Variants in MGAT4D observed in about 807,000 individuals in gnomAD.
The protein encoded by MGAT4D is alpha-1,3-mannosyl-glycoprotein 4-beta-N-acetylglucosaminyltransferase-like protein MGAT4D.
In MGAT4D, 34 loss-of-function variants were observed where a neutral mutation model predicts 15.9. That is an observed-to-expected ratio of 2.14 (90% CI 1.62 to 2.84). The LOEUF (loss-of-function observed/expected upper bound fraction) is 2.84. Among genes scored for constraint, MGAT4D ranks in the 30% most tolerant of loss-of-function variants. The pLI is 0.00. For missense variants in MGAT4D, 327 were observed against 140.2 expected, an observed-to-expected ratio of 2.33 and a Z score of -6.73; for synonymous variants, 112 against 48.2, an observed-to-expected ratio of 2.33 and a Z score of -5.49.
At chr4:140,480,587 C>T (rs934701616) in intron 2 of MGAT4D, among the ~76,000 whole-genome samples, 3 of 152,094 alleles carry the variant, frequency 2.0e-5, no homozygotes, top group African/African-American at 7.2e-5. Context: ...TTCCAAATCA[C>T]ATATCCATCT....
chr4:140,446,549 T>A (rs1730135051), intron 10 of MGAT4D, among the ~76,000 whole-genome samples: 1 of 151,986 alleles, frequency 6.6e-6, no homozygotes, highest in Non-Finnish European at 1.5e-5. Flanking sequence ...TTTATTTGAA[T>A]CTTTTCTCTT....
At chr4:140,461,893 A>ACG in intron 7 of MGAT4D, 36 bp downstream of exon 7, 1 of 664,498 alleles carries the variant, frequency 1.5e-6, no homozygotes, top group Non-Finnish European at 2.7e-6. Flanking sequence ...ACACACACAC[A>ACG]CACACACACA....
intron 6 of MGAT4D, among the ~76,000 whole-genome samples, chr4:140,463,060 G>A (rs557072989): frequency 2.3e-4 from 35 of 152,264 alleles, no homozygotes; most frequent in Admixed American, 2.1e-3. Flanking sequence ...TCCCCACTGA[G>A]GAACCTGAAA....
intron 3 of MGAT4D, among the ~76,000 whole-genome samples, chr4:140,478,896 G>T (rs1732516266): frequency 6.6e-6 from 1 of 152,074 alleles, no homozygotes; most frequent in South Asian, 2.1e-4. Context: ...AAATGGATAA[G>T]CATAACTATG....
At position 140,443,321 on chromosome 4, in the gene MGAT4D, TTTAC is replaced by T. The variant is rs2126647941; in HGVS notation, c.*111_*114del. 5.4e-6 allele frequency: 2 copies of T among 373,650 alleles called. No homozygotes were observed. Among genetic ancestry groups the T allele is most frequent in the South Asian group, 1.0e-4 (2 of 20,034 alleles). 23.1% of individuals were successfully genotyped at this position (373,650 alleles called of 1,614,324 possible). A position where few individuals can be genotyped will look rare whatever the true frequency, so the allele number is the denominator to read the frequency against. The stretch of plus-strand genomic sequence containing the variant: ...TTCAAGTCTACTAGTTTATGCATTG[TTTAC>T]TTATCTGCTAGATAATTATGTATTT... On this transcript the variant is annotated 3_prime_UTR_variant, in exon 11 of 11. Transcript: ENST00000511113.
chr4:140,494,782 G>A (rs1421848686), intron 1 of MGAT4D, among the ~76,000 whole-genome samples: 1 of 152,078 alleles, frequency 6.6e-6, no homozygotes, highest in East Asian at 1.9e-4. Flanking sequence ...CGGGAGAGGG[G>A]GTGTTGCTCC....
chr4:140,450,342 C>T (rs1262223192), intron 10 of MGAT4D, among the ~76,000 whole-genome samples: 4 of 151,934 alleles, frequency 2.6e-5, no homozygotes, highest in African/African-American at 7.3e-5. Context: ...TGAAAGAATC[C>T]CGTTATAATA....
At chr4:140,491,315 G>A (rs1733487565) in intron 1 of MGAT4D, among the ~76,000 whole-genome samples, 1 of 152,070 alleles carries the variant, frequency 6.6e-6, no homozygotes, top group Admixed American at 6.5e-5. Flanking sequence ...TGGAGATGAG[G>A]GTGTTTCCCT....
intron 9 of MGAT4D, 81 bp from the exon 10 acceptor site, chr4:140,451,598 A>G: frequency 2.5e-6 from 1 of 406,964 alleles, no homozygotes; most frequent in Non-Finnish European, 4.4e-6. Context: ...GAATTTTTAT[A>G]TATTAGTTTT....
At chr4:140,463,254 G>A (rs1030565623) in intron 6 of MGAT4D, among the ~76,000 whole-genome samples, 3 of 152,206 alleles carry the variant, frequency 2.0e-5, no homozygotes, top group Non-Finnish European at 4.4e-5. Flanking sequence ...AGGGAAGGCA[G>A]CCAGTGGAAC....
intron 9 of MGAT4D, among the ~76,000 whole-genome samples, chr4:140,455,906 G>A (rs1038296911): frequency 2.6e-5 from 4 of 152,126 alleles, no homozygotes; most frequent in African/African-American, 9.7e-5. Flanking sequence ...GGAGGGCAAC[G>A]TGGGCTGATG....
chr4:140,496,108 C>T (rs975889822), intron 1 of MGAT4D, among the ~76,000 whole-genome samples: 1 of 152,152 alleles, frequency 6.6e-6, no homozygotes, highest in Admixed American at 6.5e-5. Flanking sequence ...AATAAACGTT[C>T]CCAAATTTTC....
chr4:140,485,604 G>A (rs72941706), intron 1 of MGAT4D, among the ~76,000 whole-genome samples: 1 of 149,798 alleles, frequency 6.7e-6, no homozygotes, highest in South Asian at 2.1e-4. Context: ...AAATAGAACT[G>A]CATAACGCAG....
At chr4:140,462,870 C>T (rs1731286285) in intron 6 of MGAT4D, among the ~76,000 whole-genome samples, 1 of 152,046 alleles carries the variant, frequency 6.6e-6, no homozygotes, top group African/African-American at 2.4e-5. Flanking sequence ...CAGAACAGTG[C>T]CTGGAGACTC....
intron 3 of MGAT4D, among the ~76,000 whole-genome samples, chr4:140,475,846 C>T (rs1732289861): frequency 8.1e-6 from 1 of 123,848 alleles, no homozygotes; most frequent in South Asian, 2.6e-4. Flanking sequence ...GAGTCTCACT[C>T]TGTTGCCAAG....
At chr4:140,472,477 T>G (rs1347651901) in intron 4 of MGAT4D, among the ~76,000 whole-genome samples, 1 of 152,136 alleles carries the variant, frequency 6.6e-6, no homozygotes, top group Non-Finnish European at 1.5e-5. Context: ...TGAAAATATT[T>G]TGAACAATCA....
chr4:140,464,108 A>T (rs952094918), intron 6 of MGAT4D, among the ~76,000 whole-genome samples: 1 of 152,232 alleles, frequency 6.6e-6, no homozygotes, highest in African/African-American at 2.4e-5. Flanking sequence ...AACTGGGCAT[A>T]ATGTGGACCA....
chr4:140,454,010 G>GTA (rs956951537), intron 9 of MGAT4D, among the ~76,000 whole-genome samples: 18 of 138,988 alleles, frequency 1.3e-4, no homozygotes, highest in Non-Finnish European at 2.2e-4. Flanking sequence ...GTTCTAGGAT[G>GTA]TATGTGTGTG....
intron 6 of MGAT4D, 26 bp from the exon 7 acceptor site, chr4:140,462,030 A>G (rs945982951): frequency 1.4e-6 from 1 of 692,898 alleles, no homozygotes; most frequent in African/African-American, 1.8e-5. Flanking sequence ...AAGATCTGTT[A>G]ATATTTGTCA....
Sources: allele counts gnomAD v4.1 joint callset (sites outside exome capture counted in the v4.1 genomes callset), GRCh38; gene constraint gnomAD v4.1.1; transcripts MANE v1.5; gene names NCBI Gene and HGNC (gene_info 2026-07-23, HGNC 2026-07-21).